NAALADL2: variants seen among roughly 807,000 people sequenced by gnomAD.
NAALADL2 encodes N-acetylated alpha-linked acidic dipeptidase like 2.
In NAALADL2, 76 loss-of-function variants were observed where a neutral mutation model predicts 87.2. That is an observed-to-expected ratio of 0.87 (90% CI 0.72 to 1.05). The LOEUF (loss-of-function observed/expected upper bound fraction) is 1.05. NAALADL2 is among the 50% of genes least tolerant of loss of function. The pLI, the probability that NAALADL2 is intolerant of heterozygous loss-of-function variation, is 0.00. For synonymous variants in NAALADL2, 354 were observed against 331.0 expected (o/e 1.07, Z -0.75); for missense variants, 1,089 against 945.8 (o/e 1.15, Z -1.99).
chr3:175,198,678 G>T (rs1342956171), intron 2 of NAALADL2, among the ~76,000 whole-genome samples: 1 of 151,948 alleles, frequency 6.6e-6, no homozygotes, highest in East Asian at 1.9e-4. Flanking sequence ...TTAAGCAAAA[G>T]GACTTTCCAC....
intron 9 of NAALADL2, among the ~76,000 whole-genome samples, chr3:175,504,610 TCTCTCTCTCTCA>T (rs760564104): frequency 1.2e-5 from 1 of 81,528 alleles, no homozygotes; most frequent in Non-Finnish European, 2.4e-5. Flanking sequence ...TCTCTCTCTC[TCTCTCTCTCTCA>T]GACACAGTGA....
intron 2 of NAALADL2, among the ~76,000 whole-genome samples, chr3:174,597,868 A>G (rs1718067352): frequency 6.6e-6 from 1 of 152,220 alleles, no homozygotes; most frequent in Non-Finnish European, 1.5e-5. Context: ...ACCACAGCTC[A>G]TATATCAGAC....
chr3:174,633,409 A>G (rs559619129), intron 2 of NAALADL2, among the ~76,000 whole-genome samples: 3 of 152,324 alleles, frequency 2.0e-5, no homozygotes, highest in South Asian at 2.1e-4. Context: ...CTAAAAATAG[A>G]TGAGCCTGAA....
intron 10 of NAALADL2, among the ~76,000 whole-genome samples, chr3:175,577,113 T>C (rs1305714785): frequency 6.6e-6 from 1 of 152,224 alleles, no homozygotes; most frequent in African/African-American, 2.4e-5. Context: ...CTTGGTTTAG[T>C]TTTAAGCCAA....
At chr3:174,679,895 T>C (rs1015077458) in intron 2 of NAALADL2, among the ~76,000 whole-genome samples, 1 of 152,220 alleles carries the variant, frequency 6.6e-6, no homozygotes, top group Non-Finnish European at 1.5e-5. Flanking sequence ...AAAAATGTTT[T>C]GTTGAAATAT....
chr3:174,910,378 C>T (rs959278494), intron 1 of NAALADL2, among the ~76,000 whole-genome samples: 1 of 151,902 alleles, frequency 6.6e-6, no homozygotes, highest in Non-Finnish European at 1.5e-5. Flanking sequence ...CTTTTTTCCA[C>T]TCAACATTAT....
rs113022824 is a variant in NAALADL2, at chr3:175,353,108, A to ATGTGTGTG, written c.1090+28807_1090+28814dup. ...TTTATTCAAATATCCATTTAATAAA[A>ATGTGTGTG]TGTGTGTGTGTGTGTGTGTGTGTGT... On this transcript the variant is annotated intron_variant, in intron 5 of 13. Transcript: ENST00000454872. Among the ~76,000 whole-genome samples the ATGTGTGTG allele has an allele frequency of 2.0e-4, 29 of 144,968 alleles. No individual in the cohort carries two copies. The East Asian group carries it at 3.1e-3, about 15-fold the overall frequency.
intron 2 of NAALADL2, among the ~76,000 whole-genome samples, chr3:174,696,736 A>G (rs533631129): frequency 3.6e-4 from 54 of 151,832 alleles, no homozygotes; most frequent in South Asian, 3.5e-3. Flanking sequence ...ATAATTGTGT[A>G]TTTTGTAACT....
intron 3 of NAALADL2, among the ~76,000 whole-genome samples, chr3:174,749,608 G>A (rs1161073083): frequency 6.6e-6 from 1 of 152,022 alleles, no homozygotes; most frequent in Admixed American, 6.6e-5. Flanking sequence ...CTGTCATATG[G>A]GTTTTGTACT....
At chr3:175,269,784 G>T (rs1419569968) in intron 4 of NAALADL2, among the ~76,000 whole-genome samples, 1 of 151,588 alleles carries the variant, frequency 6.6e-6, no homozygotes, top group Non-Finnish European at 1.5e-5. Flanking sequence ...CTCGCAGTTT[G>T]TTTATTTATT....
At chr3:174,633,714 A>G (rs1036446873) in intron 2 of NAALADL2, among the ~76,000 whole-genome samples, 3 of 152,118 alleles carry the variant, frequency 2.0e-5, no homozygotes, top group African/African-American at 7.2e-5. Context: ...TCAGTGAAAA[A>G]CTGGAGTTGC....
intron 12 of NAALADL2, among the ~76,000 whole-genome samples, chr3:175,745,945 G>T (rs935386242): frequency 6.6e-6 from 1 of 151,996 alleles, no homozygotes; most frequent in South Asian, 2.1e-4. Context: ...TAGCATTATC[G>T]TAAAGACTTC....
intron 2 of NAALADL2, among the ~76,000 whole-genome samples, chr3:174,608,393 G>A (rs1346242220): frequency 2.6e-4 from 39 of 151,054 alleles, no homozygotes; most frequent in African/African-American, 8.5e-4. Flanking sequence ...TTTTTTGAAA[G>A]GATCAACAAA....
chr3:175,267,758 T>C (rs1752179149), intron 4 of NAALADL2, among the ~76,000 whole-genome samples: 1 of 152,150 alleles, frequency 6.6e-6, no homozygotes, highest in African/African-American at 2.4e-5. Flanking sequence ...CATTTGTTTA[T>C]ACTTAAAATG....
intron 5 of NAALADL2, among the ~76,000 whole-genome samples, chr3:175,409,959 T>C (rs1023233640): frequency 2.0e-4 from 31 of 151,964 alleles, no homozygotes; most frequent in Non-Finnish European, 4.1e-4. Flanking sequence ...GGAAGGTTAA[T>C]GAAGTTAAAG....
chr3:174,557,141 A>G (rs1712930221), intron 2 of NAALADL2, among the ~76,000 whole-genome samples: 1 of 152,212 alleles, frequency 6.6e-6, no homozygotes, highest in South Asian at 2.1e-4. Flanking sequence ...TTGTTAGAAT[A>G]TTAATAATGA....
intron 3 of NAALADL2, among the ~76,000 whole-genome samples, chr3:174,795,120 T>A (rs1159335586): frequency 1.1e-4 from 17 of 149,914 alleles, no homozygotes; most frequent in Non-Finnish European, 2.1e-4. Flanking sequence ...GCCTCCCGAG[T>A]AGCTGGGATT....
At chr3:174,493,326 C>T (rs1718320599) in intron 1 of NAALADL2, among the ~76,000 whole-genome samples, 1 of 152,052 alleles carries the variant, frequency 6.6e-6, no homozygotes, top group Admixed American at 6.6e-5. Context: ...TGCATATAGA[C>T]ACAGACATAG....
At chr3:175,351,392 T>C (rs1763756112) in intron 5 of NAALADL2, among the ~76,000 whole-genome samples, 1 of 152,060 alleles carries the variant, frequency 6.6e-6, no homozygotes, top group Non-Finnish European at 1.5e-5. Flanking sequence ...ATATATGATA[T>C]ATATACATAT....
Sources: allele counts gnomAD v4.1 joint callset (sites outside exome capture counted in the v4.1 genomes callset), GRCh38; gene constraint gnomAD v4.1.1; transcripts MANE v1.5; gene names NCBI Gene and HGNC (gene_info 2026-07-23, HGNC 2026-07-21).